CDH18: variants seen among roughly 807,000 people sequenced by gnomAD.
CDH18 encodes the protein cadherin-18.
In CDH18, 31 loss-of-function variants were observed where a neutral mutation model predicts 67.9. The ratio of observed to expected loss-of-function variants is 0.46; its 90% CI spans 0.34 to 0.62. The LOEUF is 0.62. Ranked by LOEUF, CDH18 falls within the 20% of genes least tolerant of loss-of-function variation. CDH18 has a pLI of 0.01. For synonymous variants in CDH18, 362 were observed against 347.2 expected, an observed-to-expected ratio of 1.04 and a Z score of -0.48; for missense variants, 890 against 975.5, an observed-to-expected ratio of 0.91 and a Z score of 1.17.
At chr5:19,488,233 T>C (rs1040369750) in intron 11 of CDH18, among the ~76,000 whole-genome samples, 23 of 152,320 alleles carry the variant, frequency 1.5e-4, no homozygotes, top group African/African-American at 5.5e-4. Context: ...TCCTATTTTT[T>C]AGTCCAAAAT....
intron 3 of CDH18, among the ~76,000 whole-genome samples, chr5:19,748,627 G>A (rs1343913750): frequency 6.6e-6 from 1 of 152,040 alleles, no homozygotes; most frequent in East Asian, 1.9e-4. Context: ...TTTCTGACAC[G>A]TAGAAACATT....
At chr5:20,305,559 G>A (rs1453068296) in intron 1 of CDH18, 3 of 686,690 alleles carry the variant, frequency 4.4e-6, no homozygotes, top group African/African-American at 1.8e-5. Context: ...GCGGGGCTGA[G>A]GGCGCTCGGC....
chr5:20,510,370 C>T (rs1260507029), intron 1 of CDH18, among the ~76,000 whole-genome samples: 1 of 152,120 alleles, frequency 6.6e-6, no homozygotes. Flanking sequence ...TTATGCAGTG[C>T]CCCTTCCTCT....
chr5:19,807,769 A>T (rs968505158), intron 3 of CDH18, among the ~76,000 whole-genome samples: 1 of 152,146 alleles, frequency 6.6e-6, no homozygotes, highest in Non-Finnish European at 1.5e-5. Context: ...TTCCTTCCCC[A>T]GAGAGTTCTT....
chr5:20,150,845 AAAT>A (rs1751041437), intron 2 of CDH18, among the ~76,000 whole-genome samples: 1 of 152,044 alleles, frequency 6.6e-6, no homozygotes. Flanking sequence ...ATACATTTTT[AAAT>A]AATAATACTG....
intron 2 of CDH18, among the ~76,000 whole-genome samples, chr5:19,949,825 T>G (rs1157001756): frequency 6.6e-6 from 1 of 151,992 alleles, no homozygotes; most frequent in African/African-American, 2.4e-5. Flanking sequence ...GATGCAGGAA[T>G]CTCACTACTT....
chr5:19,756,429 G>T (rs1455022756), intron 3 of CDH18, among the ~76,000 whole-genome samples: 1 of 152,188 alleles, frequency 6.6e-6, no homozygotes, highest in East Asian at 1.9e-4. Context: ...AAGGACCTCA[G>T]CAGGTCATGA....
intron 7 of CDH18, among the ~76,000 whole-genome samples, chr5:19,577,641 T>C (rs1264932175): frequency 3.9e-5 from 6 of 152,208 alleles, no homozygotes; most frequent in Non-Finnish European, 5.9e-5. Context: ...TTTAGAAATG[T>C]TGACCTGATG....
At chr5:20,233,259 A>T (rs1447522898) in intron 2 of CDH18, among the ~76,000 whole-genome samples, 1 of 151,400 alleles carries the variant, frequency 6.6e-6, no homozygotes, top group African/African-American at 2.4e-5. Context: ...AAACATATTT[A>T]AATGTACAAA....
At chr5:20,328,125 C>T (rs922603250) in intron 1 of CDH18, among the ~76,000 whole-genome samples, 5 of 151,810 alleles carry the variant, frequency 3.3e-5, no homozygotes, top group Non-Finnish European at 5.9e-5. Flanking sequence ...GGAAGGAAGC[C>T]TTTAGGGGCT....
chr5:19,653,250 A>G (rs987767495), intron 5 of CDH18, among the ~76,000 whole-genome samples: 5 of 152,084 alleles, frequency 3.3e-5, no homozygotes, highest in African/African-American at 9.7e-5. Flanking sequence ...GTCATTGCAT[A>G]GCAACAATCG....
chr5:20,411,791 G>T (rs968852705), intron 1 of CDH18, among the ~76,000 whole-genome samples: 1 of 104,428 alleles, frequency 9.6e-6, no homozygotes, highest in African/African-American at 2.9e-5. Context: ...ATAGCCCCCT[G>T]CCCACAAAAA....
At chr5:20,299,638 A>G (rs1318400469) in intron 1 of CDH18, among the ~76,000 whole-genome samples, 3 of 151,554 alleles carry the variant, frequency 2.0e-5, no homozygotes, top group Non-Finnish European at 4.4e-5. Context: ...GCATGCCTGT[A>G]GTCCCAGCTA....
intron 8 of CDH18, among the ~76,000 whole-genome samples, chr5:19,547,257 G>A (rs1736494555): frequency 6.6e-6 from 1 of 152,148 alleles, no homozygotes; most frequent in Non-Finnish European, 1.5e-5. Context: ...AGGCTTTCTG[G>A]CTATTTTATT....
chr5:19,737,228 T>A (rs537181728), intron 4 of CDH18, among the ~76,000 whole-genome samples: 6 of 152,190 alleles, frequency 3.9e-5, no homozygotes, highest in African/African-American at 1.4e-4. Context: ...CATGGTGAAT[T>A]TTCTCTACAC....
At chr5:20,364,649 A>G (rs1296433475) in intron 1 of CDH18, among the ~76,000 whole-genome samples, 3 of 152,208 alleles carry the variant, frequency 2.0e-5, no homozygotes, top group African/African-American at 4.8e-5. Flanking sequence ...TACCATATCC[A>G]TAACATATTG....
At chr5:20,044,476 G>C (rs567398127) in intron 2 of CDH18, among the ~76,000 whole-genome samples, 4 of 152,098 alleles carry the variant, frequency 2.6e-5, no homozygotes, top group African/African-American at 9.6e-5. Context: ...CATATATTCA[G>C]TTCTACTATG....
At chr5:19,726,932 C>T (rs62351359) in intron 4 of CDH18, among the ~76,000 whole-genome samples, 31,520 of 152,064 alleles carry the variant, frequency 0.21, 3,781 homozygotes, top group Non-Finnish European at 0.26. Context: ...CTTCCTCATT[C>T]CTTCTGCCAT....
intron 2 of CDH18, among the ~76,000 whole-genome samples, chr5:20,103,946 A>G (rs1746700202): frequency 6.6e-6 from 1 of 151,648 alleles, no homozygotes; most frequent in South Asian, 2.1e-4. Context: ...TACAGTATTC[A>G]ATACAGTAAC....
Sources: gnomAD v4.1 joint callset for allele counts (sites outside exome capture counted in the v4.1 genomes callset) on GRCh38, gnomAD v4.1.1 for gene constraint, MANE v1.5 for transcripts, NCBI Gene and HGNC (gene_info 2026-07-23, HGNC 2026-07-21) for gene names.